Variants in MGA observed in about 807,000 individuals in gnomAD.
The protein encoded by MGA is MAX gene-associated protein.
MGA carries 40 observed loss-of-function variants against 261.1 expected under a neutral mutation model. The ratio of observed to expected loss-of-function variants is 0.15; its 90% CI spans 0.12 to 0.20. The LOEUF (loss-of-function observed/expected upper bound fraction) is 0.20. Ranked by LOEUF, MGA falls within the 10% of genes least tolerant of loss-of-function variation. MGA has a pLI of 1.00. For missense variants in MGA, 3,397 were observed against 3,630.5 expected (o/e 0.94, Z 1.65); for synonymous variants, 1,302 against 1,290.6 (o/e 1.01, Z -0.19).
At chr15:41,655,081 C>T (rs911688650) in intron 1 of MGA, among the ~76,000 whole-genome samples, 10 of 152,058 alleles carry the variant, frequency 6.6e-5, no homozygotes, top group African/African-American at 2.4e-4. Flanking sequence ...CTGCAGGATA[C>T]CCAAATCCTC....
Position 41,767,284 on chromosome 15 carries a change from T to TA in MGA, c.*5dup. 6.2e-7 allele frequency: 1 copy of TA among 1,600,276 alleles called. No homozygotes were observed. Among genetic ancestry groups the TA allele is most frequent in the Non-Finnish European group, 8.5e-7 (1 of 1,172,104 alleles). On this transcript the variant is annotated 3_prime_UTR_variant, in exon 24 of 24. Transcript: ENST00000219905. ...ACCAAGTTCTGCAGGGAAATGAACT[T>TA]ACTTGTCCTTAAGCAGAAGCCAGGC...
intron 5 of MGA, among the ~76,000 whole-genome samples, chr15:41,700,488 A>G (rs1459344448): frequency 6.6e-6 from 1 of 152,142 alleles, no homozygotes; most frequent in South Asian, 2.1e-4. Flanking sequence ...GAGTGAAAAC[A>G]TGCAGTGTTT....
chr15:41,661,874 C>T (rs1217614523), intron 1 of MGA, among the ~76,000 whole-genome samples: 1 of 152,130 alleles, frequency 6.6e-6, no homozygotes, highest in Non-Finnish European at 1.5e-5. Flanking sequence ...GGTAACAGAA[C>T]GCGGCTGGGT....
At chr15:41,635,744 G>T (rs1313039510) in intron 1 of MGA, among the ~76,000 whole-genome samples, 2 of 152,184 alleles carry the variant, frequency 1.3e-5, no homozygotes, top group African/African-American at 4.8e-5. Context: ...ATACATTCAT[G>T]TGCCACATAA....
At chr15:41,646,096 A>G (rs2056928703) in intron 1 of MGA, among the ~76,000 whole-genome samples, 2 of 152,162 alleles carry the variant, frequency 1.3e-5, no homozygotes, top group Admixed American at 1.3e-4. Context: ...CCCTCTGCTA[A>G]GCTCAATCAC....
rs560076079 is a variant in MGA, at chr15:41,673,375, G to A, written c.1064+3417G>A. ...TGGAATTACAGGTGCATGCCACCAT[G>A]CCTGGCTAATTTTTGTATTTTTAGT... On this transcript the variant is annotated intron_variant, in intron 2 of 23. Transcript: ENST00000219905. Among the ~76,000 whole-genome samples, 71 of 151,838 alleles carry A rather than the reference G, an allele frequency of 4.7e-4. No individual in the cohort carries two copies. In the South Asian group the frequency reaches 0.011, roughly 24 times the overall value.
At chr15:41,710,497 C>T (rs1013286562) in intron 7 of MGA, among the ~76,000 whole-genome samples, 194 bp from the exon 8 acceptor site, 1 of 152,060 alleles carries the variant, frequency 6.6e-6, no homozygotes, top group Non-Finnish European at 1.5e-5. Flanking sequence ...GAACTCCTAG[C>T]CTGTAGCGAT....
intron 5 of MGA, among the ~76,000 whole-genome samples, chr15:41,703,060 C>G (rs542287397): frequency 6.6e-6 from 1 of 152,154 alleles, no homozygotes; most frequent in Non-Finnish European, 1.5e-5. Context: ...ATTTAAAGTT[C>G]ATACTTTATT....
intron 2 of MGA, among the ~76,000 whole-genome samples, chr15:41,689,111 A>G (rs1002605097): frequency 6.6e-6 from 1 of 152,212 alleles, no homozygotes; most frequent in Non-Finnish European, 1.5e-5. Context: ...ATGGATTACA[A>G]TGTGCATCCT....
chr15:41,713,106 A>G, intron 8 of MGA, 45 bp from the exon 9 acceptor site: 1 of 1,587,162 alleles, frequency 6.3e-7, no homozygotes, highest in Non-Finnish European at 8.5e-7. Flanking sequence ...GTGGTGGTGT[A>G]GGGGGATGGT....
intron 7 of MGA, among the ~76,000 whole-genome samples, chr15:41,709,786 CT>C (rs59998889): frequency 0.7 from 94,675 of 135,102 alleles, 34,411 homozygotes; most frequent in East Asian, 0.88. Context: ...GCTTTAATTT[CT>C]TTTTTTTTTT....
Position 41,713,330 on chromosome 15 carries a change from A to T in MGA, c.3264A>T (p.Val1088=). The T allele has an allele frequency of 6.2e-7, 1 of 1,613,956 alleles. No homozygotes were observed. Among genetic ancestry groups the T allele is most frequent in the Non-Finnish European group, 8.5e-7 (1 of 1,179,882 alleles). The change falls in exon 9 of 24, where the codon GTA becomes GTT. Residue 1088 remains valine (V), a synonymous_variant. Transcript: ENST00000219905. ...GTACTTGTTTGAAAAGAAAAGTTGT[A>T]CTTGTTAAAGGAGGATCCAAAACTA...
rs751105410 is a variant in MGA, at chr15:41,660,473, C to G, written c.-120C>G. On this transcript the variant is annotated 5_prime_UTR_variant, in exon 1 of 24. Coordinates refer to ENST00000219905, the MANE Select transcript of MGA (RefSeq NM_001164273.2). The stretch of plus-strand genomic sequence containing the variant: ...GGTGTGCGAACCGAACAGAATAACC[C>G]GCCCCCAGCGGGATGTGAAGGACTC... 1 of 152,924 alleles carries G rather than the reference C, an allele frequency of 6.5e-6. No homozygotes were observed. Among genetic ancestry groups the G allele is most frequent in the Non-Finnish European group, 1.5e-5 (1 of 68,282 alleles). 9.5% of individuals were successfully genotyped at this position (152,924 alleles called of 1,614,324 possible).
At chr15:41,621,655 G>A (rs1415084382) in intron 1 of MGA, 1 of 151,994 alleles carries the variant, frequency 6.6e-6, no homozygotes, top group Non-Finnish European at 1.5e-5. Flanking sequence ...GCGTGTTCTT[G>A]GCGCGAAGTG....
intron 1 of MGA, among the ~76,000 whole-genome samples, chr15:41,660,842 G>C (rs2057352463): frequency 6.6e-6 from 1 of 152,186 alleles, no homozygotes; most frequent in Admixed American, 6.5e-5. Flanking sequence ...GCTCGGCCCT[G>C]CCCTCGCGTG....
At chr15:41,642,921 T>C (rs1383958614) in intron 1 of MGA, among the ~76,000 whole-genome samples, 1 of 151,196 alleles carries the variant, frequency 6.6e-6, no homozygotes, top group Non-Finnish European at 1.5e-5. Context: ...TTTTTTTTTT[T>C]TTTTCTTTTG....
intron 15 of MGA, among the ~76,000 whole-genome samples, chr15:41,748,019 G>A (rs1389548052): frequency 6.6e-6 from 1 of 152,180 alleles, no homozygotes; most frequent in Non-Finnish European, 1.5e-5. Flanking sequence ...CACTTTGGAA[G>A]GCCGAGATGG....
chr15:41,647,653 C>T (rs1282816485), intron 1 of MGA, among the ~76,000 whole-genome samples: 1 of 152,216 alleles, frequency 6.6e-6, no homozygotes, highest in Non-Finnish European at 1.5e-5. Context: ...AATGTCTGTT[C>T]TGACCATAAC....
At chr15:41,762,495 G>C in intron 22 of MGA, 133 bp downstream of exon 22, 2 of 481,124 alleles carry the variant, frequency 4.2e-6, no homozygotes, top group South Asian at 2.4e-5. Flanking sequence ...TTTTTTTGGA[G>C]ACAGCTCTGT....
Sources: gnomAD v4.1 joint callset for allele counts (sites outside exome capture counted in the v4.1 genomes callset) on GRCh38, gnomAD v4.1.1 for gene constraint, MANE v1.5 for transcripts, NCBI Gene and HGNC (gene_info 2026-07-23, HGNC 2026-07-21) for gene names.